CDIP1: variants seen among roughly 807,000 people sequenced by gnomAD.
CDIP1 encodes the protein cell death inducing p53 target 1.
In CDIP1, 9 loss-of-function variants were observed where a neutral mutation model predicts 17.7. The observed-to-expected ratio is 0.51, with a 90% CI of 0.31 to 0.89. CDIP1 has a LOEUF of 0.89. CDIP1 is among the 40% of genes least tolerant of loss of function. CDIP1 has a pLI of 0.05. For missense variants in CDIP1, 263 were observed against 277.9 expected, an observed-to-expected ratio of 0.95 and a Z score of 0.38; for synonymous variants, 117 against 109.5, an observed-to-expected ratio of 1.07 and a Z score of -0.43.
At chr16:4,537,126 CTAAT>C (rs1304957719) in intron 1 of CDIP1, among the ~76,000 whole-genome samples, 2 of 152,132 alleles carry the variant, frequency 1.3e-5, no homozygotes, top group Non-Finnish European at 2.9e-5. Flanking sequence ...TTCTAAGACT[CTAAT>C]TAATGACATG....
intron 1 of CDIP1, among the ~76,000 whole-genome samples, chr16:4,536,071 T>C (rs2059103622): frequency 6.6e-6 from 1 of 152,236 alleles, no homozygotes; most frequent in Admixed American, 6.5e-5. Context: ...GAGCTCTCCC[T>C]GCCTGCCACC....
At chr16:4,519,896 C>T (rs768221130) in intron 1 of CDIP1, among the ~76,000 whole-genome samples, 19 of 152,084 alleles carry the variant, frequency 1.2e-4, no homozygotes, top group Non-Finnish European at 2.1e-4. Flanking sequence ...ATGTTGGCAC[C>T]GTGCCATCCT....
chr16:4,535,022 T>C lies in CDIP1; in HGVS notation c.-105+3680A>G, dbSNP rs183503599. Reference sequence around the variant, plus strand: ...CATGAGCCACAGCACCCGGCCTGCATGTTAATCAGAATTGTGACAACCAAG... The same window carrying C: ...CATGAGCCACAGCACCCGGCCTGCACGTTAATCAGAATTGTGACAACCAAG... On this transcript the variant is annotated intron_variant, in intron 1 of 5. Coordinates refer to ENST00000567695, the MANE Select transcript of CDIP1 (RefSeq NM_013399.3). 6.0e-4 allele frequency among the ~76,000 whole-genome samples: 92 copies of C among 152,298 alleles called. No homozygotes were observed. In the Middle Eastern group the frequency reaches 0.01, roughly 17 times the overall value.
intron 1 of CDIP1, chr16:4,533,071 C>A (rs1471976880): frequency 6.6e-6 from 1 of 152,214 alleles, no homozygotes; most frequent in Non-Finnish European, 1.5e-5. Flanking sequence ...TGGTCCCTGC[C>A]CTCAGGGAGC....
At chr16:4,525,257 C>G (rs936255002) in intron 1 of CDIP1, among the ~76,000 whole-genome samples, 1 of 152,136 alleles carries the variant, frequency 6.6e-6, no homozygotes, top group Non-Finnish European at 1.5e-5. Context: ...TACTCCCTGG[C>G]GGGAAGGCTG....
chr16:4,531,180 C>T (rs1203656802), intron 1 of CDIP1, among the ~76,000 whole-genome samples: 3 of 151,952 alleles, frequency 2.0e-5, no homozygotes, highest in Non-Finnish European at 4.4e-5. Flanking sequence ...AGGCGCCTGC[C>T]ACCACACCCA....
chr16:4,534,914 C>A (rs1406543283), intron 1 of CDIP1, among the ~76,000 whole-genome samples: 1 of 152,044 alleles, frequency 6.6e-6, no homozygotes, highest in Non-Finnish European at 1.5e-5. Context: ...GACGGGGTTT[C>A]TCCATGTTGG....
intron 1 of CDIP1, among the ~76,000 whole-genome samples, chr16:4,530,648 CAAAA>C (rs71139637): frequency 4.9e-5 from 7 of 143,960 alleles, no homozygotes; most frequent in Admixed American, 4.2e-4. Context: ...GACTCCATCT[CAAAA>C]AAAAAAAACA....
At chr16:4,516,622 G>A (rs1286464937) in intron 1 of CDIP1, among the ~76,000 whole-genome samples, 1 of 151,144 alleles carries the variant, frequency 6.6e-6, no homozygotes, top group Admixed American at 6.6e-5. Context: ...CTAAAGTGTT[G>A]GGATTACAGG....
At position 4,512,474 on chromosome 16, in the gene CDIP1, C is replaced by T. The variant is rs2058840804; in HGVS notation, c.*98G>A. 2.3e-6 allele frequency: 2 copies of T among 879,846 alleles called. No individual in the cohort carries two copies. Among genetic ancestry groups the T allele is most frequent in the Admixed American group, 1.9e-5 (1 of 51,704 alleles). The allele number at this position is 879,846 out of a possible 1,614,324, so 54.5% of individuals were successfully genotyped here. A position where few individuals can be genotyped will look rare whatever the true frequency, so the allele number is the denominator to read the frequency against. On this transcript the variant is annotated 3_prime_UTR_variant, in exon 6 of 6. Transcript: ENST00000567695. This position sits in a 1 kb window ranked among gnomAD's most constrained non-coding sequence, Gnocchi z 4.6. Reference sequence around the variant, plus strand: ...CTTCTAGGGGATGGTGGCACGGCTCCCAGCCCCAAGTGGGAGCGGGAAAGT... The same window carrying T: ...CTTCTAGGGGATGGTGGCACGGCTCTCAGCCCCAAGTGGGAGCGGGAAAGT...
intron 1 of CDIP1, among the ~76,000 whole-genome samples, chr16:4,519,102 C>G (rs2058918083): frequency 6.6e-6 from 1 of 152,170 alleles, no homozygotes; most frequent in Non-Finnish European, 1.5e-5. Context: ...ACAAGTCAAT[C>G]ACAAACTTAA....
chr16:4,528,078 A>T (rs891835252), intron 1 of CDIP1, among the ~76,000 whole-genome samples: 1 of 152,160 alleles, frequency 6.6e-6, no homozygotes, highest in African/African-American at 2.4e-5. Context: ...TGGCCTCTCA[A>T]AGTGCTGGAA....
chr16:4,536,773 A>T (rs932550691), intron 1 of CDIP1: 1 of 14,904 alleles, frequency 6.7e-5, no homozygotes, highest in South Asian at 2.2e-3. Flanking sequence ...CCATCTCTAC[A>T]AAAAAAAAAA....
intron 1 of CDIP1, among the ~76,000 whole-genome samples, chr16:4,524,866 G>A (rs1356577140): frequency 1.3e-5 from 2 of 152,332 alleles, no homozygotes; most frequent in East Asian, 3.9e-4. Flanking sequence ...CACTTTGGAT[G>A]CCAAGGTGGG....
At chr16:4,535,214 A>T (rs1402011822) in intron 1 of CDIP1, among the ~76,000 whole-genome samples, 9 of 152,170 alleles carry the variant, frequency 5.9e-5, no homozygotes, top group Admixed American at 5.9e-4. Flanking sequence ...ATTAGCATTG[A>T]TTGAACAATT....
intron 1 of CDIP1, among the ~76,000 whole-genome samples, chr16:4,528,409 T>C (rs111413238): frequency 1.8e-3 from 281 of 152,154 alleles, no homozygotes; most frequent in African/African-American, 5.5e-3. Context: ...TTCTGGGCAG[T>C]AGGAGTTTAG....
chr16:4,531,469 CTT>C (rs998986895), intron 1 of CDIP1, among the ~76,000 whole-genome samples: 3 of 152,116 alleles, frequency 2.0e-5, no homozygotes, highest in Non-Finnish European at 4.4e-5. Flanking sequence ...CAGAGAACAC[CTT>C]TTGGAGGTTG....
chr16:4,527,816 G>C (rs1274494544), intron 1 of CDIP1, among the ~76,000 whole-genome samples: 1 of 152,140 alleles, frequency 6.6e-6, no homozygotes, highest in Non-Finnish European at 1.5e-5. Flanking sequence ...AAATGATATA[G>C]TTTTGTTTTT....
chr16:4,518,753 AACT>A (rs1454350968), intron 1 of CDIP1, among the ~76,000 whole-genome samples: 1 of 152,252 alleles, frequency 6.6e-6, no homozygotes, highest in African/African-American at 2.4e-5. Flanking sequence ...GTGTAATAAA[AACT>A]ACAAGAATAA....
Sources: gnomAD v4.1 joint callset for allele counts (sites outside exome capture counted in the v4.1 genomes callset) on GRCh38, gnomAD v4.1.1 for gene constraint, Gnocchi (gnomAD v3.1) non-coding constraint, MANE v1.5 for transcripts, NCBI Gene and HGNC (gene_info 2026-07-23, HGNC 2026-07-21) for gene names.